ZNF385D: variants seen among roughly 807,000 people sequenced by gnomAD.
The protein encoded by ZNF385D is zinc finger protein 659.
In ZNF385D, 15 loss-of-function variants were observed where a neutral mutation model predicts 35.8. That is an observed-to-expected ratio of 0.42 (90% CI 0.28 to 0.64). The LOEUF (loss-of-function observed/expected upper bound fraction) is 0.64, where lower values mean the gene tolerates loss of function less well. Ranked by LOEUF, ZNF385D falls within the 30% of genes least tolerant of loss-of-function variation. ZNF385D has a pLI of 0.23. For synonymous variants in ZNF385D, 212 were observed against 186.8 expected (o/e 1.13, Z -1.10); for missense variants, 474 against 494.6 (o/e 0.96, Z 0.39).
At chr3:21,884,349 G>C (rs1339347906) in intron 3 of ZNF385D, among the ~76,000 whole-genome samples, 1 of 151,916 alleles carries the variant, frequency 6.6e-6, no homozygotes, top group Non-Finnish European at 1.5e-5. Flanking sequence ...CCCTTCGCTG[G>C]AATTGTTATC....
At chr3:22,132,973 G>A (rs1490169638) in intron 3 of ZNF385D, among the ~76,000 whole-genome samples, 3 of 152,080 alleles carry the variant, frequency 2.0e-5, no homozygotes, top group Non-Finnish European at 4.4e-5. Context: ...TAAAGTTACT[G>A]TAAATTGTTC....
intron 3 of ZNF385D, among the ~76,000 whole-genome samples, chr3:22,144,262 T>G (rs1553616455): frequency 6.6e-6 from 1 of 152,084 alleles, no homozygotes; most frequent in Non-Finnish European, 1.5e-5. Flanking sequence ...TATTTTAAAC[T>G]TGAAGAGATT....
In ZNF385D at chr3:21,988,889, C is replaced by T. The variant is rs143205879; in HGVS notation, c.325+179928G>A. Among the ~76,000 whole-genome samples, 40 of 152,298 alleles carry T rather than the reference C, an allele frequency of 2.6e-4. 1 individual carries two copies. The East Asian group carries it at 5.2e-3, about 20-fold the overall frequency. ...TCTCGTGGTGCGCCGTTTTTTAAGC[C>T]GGTCTGAAAAGTGCAATATTCGGGT... On this transcript the variant is annotated intron_variant, in intron 3 of 5. Coordinates refer to the ZNF385D transcript ENST00000494108.
chr3:22,080,530 A>T (rs185327309), intron 3 of ZNF385D, among the ~76,000 whole-genome samples: 1 of 152,252 alleles, frequency 6.6e-6, no homozygotes, highest in East Asian at 1.9e-4. Context: ...TATAACAGTT[A>T]TTAACTTTAT....
intron 2 of ZNF385D, among the ~76,000 whole-genome samples, chr3:22,343,116 C>T (rs896220715): frequency 1.3e-5 from 2 of 152,058 alleles, no homozygotes; most frequent in South Asian, 4.1e-4. Flanking sequence ...TTACATTTTC[C>T]TGCCTCTTTT....
intron 3 of ZNF385D, among the ~76,000 whole-genome samples, chr3:22,044,527 T>G (rs1049037572): frequency 6.6e-6 from 1 of 152,136 alleles, no homozygotes. Flanking sequence ...AGAGCAATTT[T>G]TAAATAAAAA....
chr3:22,343,111 T>A (rs1482579931), intron 2 of ZNF385D, among the ~76,000 whole-genome samples: 2 of 152,256 alleles, frequency 1.3e-5, no homozygotes, highest in African/African-American at 4.8e-5. Flanking sequence ...AGTATTTACA[T>A]TTTCCTGCCT....
At chr3:22,063,158 G>A (rs1699773281) in intron 3 of ZNF385D, among the ~76,000 whole-genome samples, 1 of 151,980 alleles carries the variant, frequency 6.6e-6, no homozygotes, top group African/African-American at 2.4e-5. Context: ...ATGCCATTTT[G>A]GTTAATTTTT....
intron 2 of ZNF385D, among the ~76,000 whole-genome samples, chr3:21,636,388 A>ATGATTATATATATATATATATATT (rs367979581): frequency 2.3e-5 from 1 of 43,484 alleles, no homozygotes; most frequent in Non-Finnish European, 4.0e-5. Context: ...TTATATATAT[A>ATGATTATATATATATATATATATT]TATATATATA....
chr3:22,061,812 C>T (rs779166), intron 3 of ZNF385D, among the ~76,000 whole-genome samples: 67,653 of 151,972 alleles, frequency 0.45, 15,801 homozygotes, highest in East Asian at 0.58. Context: ...TCATAGCGCT[C>T]ATCACAATCT....
chr3:22,060,795 G>A, intron 3 of ZNF385D, among the ~76,000 whole-genome samples: 1 of 151,910 alleles, frequency 6.6e-6, no homozygotes, highest in East Asian at 1.9e-4. Flanking sequence ...CCACGCAAGG[G>A]TTTCTGAATA....
chr3:22,003,376 A>G (rs1695981461), intron 3 of ZNF385D, among the ~76,000 whole-genome samples: 1 of 152,208 alleles, frequency 6.6e-6, no homozygotes, highest in East Asian at 1.9e-4. Context: ...TCAGGAGGTA[A>G]AAGACCTCTA....
intron 1 of ZNF385D, among the ~76,000 whole-genome samples, chr3:21,729,616 A>G (rs2068907803): frequency 6.6e-6 from 1 of 152,178 alleles, no homozygotes; most frequent in Non-Finnish European, 1.5e-5. Context: ...ATCTCTCAGA[A>G]TCTAATCTTG....
Position 21,858,093 on chromosome 3 carries a change from T to C in ZNF385D, c.326-193065A>G, listed in dbSNP as rs541192244. 3.1e-3 allele frequency among the ~76,000 whole-genome samples: 440 copies of C among 143,244 alleles called. 2 individuals carry two copies. The highest frequency in any genetic ancestry group is 0.011 in the African/African-American group (416 of 38,144). The allele number at this position is 143,244 out of a possible 152,430, so 94.0% of individuals were successfully genotyped here. ...AGGAGAATCACTTGAACCCAGGAGG[T>C]AGAGGTTGCAGTGGGCCAAGATGGT... On this transcript the variant is annotated intron_variant, in intron 3 of 5. Transcript: ENST00000494108.
intron 1 of ZNF385D, 116 bp from the exon 2 acceptor site, chr3:21,665,144 T>G (rs910705861): frequency 3.0e-6 from 4 of 1,325,742 alleles, no homozygotes; most frequent in Non-Finnish European, 4.0e-6. Flanking sequence ...AAACAAGACA[T>G]GGACTCTATT....
At chr3:21,530,893 T>C (rs1350398265) in intron 3 of ZNF385D, among the ~76,000 whole-genome samples, 9 of 152,146 alleles carry the variant, frequency 5.9e-5, no homozygotes. Context: ...ATGCACTTGT[T>C]CTTACATCAA....
Position 21,864,877 on chromosome 3 carries a change from A to T in ZNF385D, c.326-199849T>A, listed in dbSNP as rs867036939. 7.9e-5 allele frequency among the ~76,000 whole-genome samples: 12 copies of T among 151,992 alleles called. No individual in the cohort carries two copies. The South Asian group carries it at 2.5e-3, about 32-fold the overall frequency. On this transcript the variant is annotated intron_variant, in intron 3 of 5. Coordinates refer to the ZNF385D transcript ENST00000494108. Reference sequence around the variant, plus strand: ...TCAGAAATGTAGGTCAAGTAAATACAAGTGGTGTGTGAAATGAAGCCTTGA... The same window carrying T: ...TCAGAAATGTAGGTCAAGTAAATACTAGTGGTGTGTGAAATGAAGCCTTGA...
chr3:22,133,643 T>A (rs1389006792), intron 3 of ZNF385D: 1 of 152,034 alleles, frequency 6.6e-6, no homozygotes, highest in East Asian at 1.9e-4. Context: ...CTCTATTCTT[T>A]CTACTACATA....
In ZNF385D at chr3:22,100,460, T is replaced by G. The variant is rs537092570; in HGVS notation, c.325+68357A>C. 2.2e-3 allele frequency among the ~76,000 whole-genome samples: 338 copies of G among 151,404 alleles called. 1 individual carries two copies. Among genetic ancestry groups the G allele is most frequent in the African/African-American group, 6.3e-3 (260 of 41,120 alleles). ...AATGTCCAACAATGATAGACTGGAT[T>G]AAGAAAATGTGGCACATATACACCA... On this transcript the variant is annotated intron_variant, in intron 3 of 5. Transcript: ENST00000494108.
Sources: gnomAD v4.1 joint callset for allele counts (sites outside exome capture counted in the v4.1 genomes callset) on GRCh38, gnomAD v4.1.1 for gene constraint, MANE v1.5 for transcripts, NCBI Gene and HGNC (gene_info 2026-07-23, HGNC 2026-07-21) for gene names.